NETO1: variants seen among roughly 807,000 people sequenced by gnomAD.
The protein encoded by NETO1 is neuropilin and tolloid like 1.
NETO1 carries 26 observed loss-of-function variants against 61.3 expected under a neutral mutation model. The ratio of observed to expected loss-of-function variants is 0.42; its 90% CI spans 0.31 to 0.59. NETO1 has a LOEUF of 0.59. NETO1 is among the 20% of genes least tolerant of loss of function. NETO1 has a pLI of 0.12. For synonymous variants in NETO1, 225 were observed against 225.8 expected (o/e 1.00, Z 0.03); for missense variants, 531 against 662.8 (o/e 0.80, Z 2.18).
intron 4 of NETO1, among the ~76,000 whole-genome samples, chr18:72,802,769 C>T (rs1381063856): frequency 6.6e-6 from 1 of 152,136 alleles, no homozygotes; most frequent in African/African-American, 2.4e-5. Context: ...GTGTTCACTG[C>T]ATAATTCACT....
intron 4 of NETO1, among the ~76,000 whole-genome samples, chr18:72,825,729 C>T (rs1299802156): frequency 6.6e-6 from 1 of 152,132 alleles, no homozygotes; most frequent in Non-Finnish European, 1.5e-5. Flanking sequence ...TTTGTTAATA[C>T]TTGAATTAGC....
chr18:72,835,324 A>C (rs752374827), intron 4 of NETO1: 1 of 1,595,974 alleles, frequency 6.3e-7, no homozygotes, highest in Non-Finnish European at 8.6e-7. Context: ...TTTATTCTGG[A>C]GGCAAAGAGG....
chr18:72,828,855 G>T (rs1467445671), intron 4 of NETO1, among the ~76,000 whole-genome samples: 1 of 152,154 alleles, frequency 6.6e-6, no homozygotes, highest in Non-Finnish European at 1.5e-5. Context: ...GAAAACACCT[G>T]TCAACCTAGA....
intron 1 of NETO1, chr18:72,865,656 A>T: frequency 1.9e-6 from 3 of 1,576,544 alleles, no homozygotes; most frequent in Non-Finnish European, 2.6e-6. Context: ...GCAAACAATG[A>T]GAACAGCTCC....
rs979809525 is a variant in NETO1 at position 72,829,031 on chromosome 18, CATTT to C, written c.469+29791_469+29794del. On this transcript the variant is annotated intron_variant, in intron 4 of 10. Coordinates refer to ENST00000327305, the MANE Select transcript of NETO1 (RefSeq NM_138966.5). ...AGTCTCAAATGCAAGAAAGACCATT[CATTT>C]GAGTGACCAAATGAAATGGGAAAAA... 2.2e-4 allele frequency among the ~76,000 whole-genome samples: 34 copies of C among 152,192 alleles called. 1 individual carries two copies. The South Asian group carries it at 3.7e-3, about 17-fold the overall frequency.
intron 4 of NETO1, among the ~76,000 whole-genome samples, chr18:72,799,285 T>C (rs1387816258): frequency 6.6e-6 from 1 of 152,224 alleles, no homozygotes; most frequent in African/African-American, 2.4e-5. Context: ...CACCATGGTA[T>C]GCAATCTGGG....
In NETO1 at chr18:72,763,399, C is replaced by T. The variant is rs574685501; in HGVS notation, c.869-7252G>A. On this transcript the variant is annotated intron_variant, in intron 7 of 10. Transcript: ENST00000327305. ...CATGTTCCCTGGACTTAGGGTCTGG[C>T]TCTCTTCACCTCCCCTCCCCAGTCC... 3.3e-5 allele frequency among the ~76,000 whole-genome samples: 5 copies of T among 152,214 alleles called. No individual in the cohort carries two copies. The South Asian group carries it at 1.0e-3, about 32-fold the overall frequency.
intron 4 of NETO1, among the ~76,000 whole-genome samples, chr18:72,799,450 A>G (rs2072429337): frequency 6.6e-6 from 1 of 152,202 alleles, no homozygotes; most frequent in Non-Finnish European, 1.5e-5. Flanking sequence ...ATGATTACAT[A>G]TCAGGAAAAC....
chr18:72,777,567 C>T (rs1045848535), intron 7 of NETO1, among the ~76,000 whole-genome samples: 2 of 139,960 alleles, frequency 1.4e-5, no homozygotes, highest in Non-Finnish European at 3.1e-5. Context: ...GTTGAAACCC[C>T]GTCTCCACTA....
rs536233113 is a variant in NETO1, at chr18:72,801,362, G to T, written c.470-6958C>A. 1.6e-3 allele frequency among the ~76,000 whole-genome samples: 250 copies of T among 152,084 alleles called. 1 individual carries two copies. Among genetic ancestry groups the T allele is most frequent in the African/African-American group, 4.9e-3 (202 of 41,500 alleles). On this transcript the variant is annotated intron_variant, in intron 4 of 10. Transcript: ENST00000327305. ...CCCAGGAGTGTTCCTTTATCCAAAG[G>T]TCACTATTTTCATAATAATACTAAA...
At chr18:72,842,358 G>A (rs1455285087) in intron 4 of NETO1, among the ~76,000 whole-genome samples, 1 of 152,056 alleles carries the variant, frequency 6.6e-6, no homozygotes, top group African/African-American at 2.4e-5. Flanking sequence ...AAACTCATGG[G>A]ATATAATTTA....
At chr18:72,837,619 A>C (rs766203574) in intron 4 of NETO1, among the ~76,000 whole-genome samples, 5 of 152,186 alleles carry the variant, frequency 3.3e-5, no homozygotes, top group African/African-American at 4.8e-5. Flanking sequence ...TCTTAATTAT[A>C]ATATAGGAAT....
chr18:72,820,951 G>T (rs2073172270), intron 4 of NETO1, among the ~76,000 whole-genome samples: 1 of 152,004 alleles, frequency 6.6e-6, no homozygotes, highest in Non-Finnish European at 1.5e-5. Flanking sequence ...TAAATCTCTA[G>T]GTAGATAGAT....
At chr18:72,844,594 A>G (rs1392327228) in intron 4 of NETO1, among the ~76,000 whole-genome samples, 2 of 152,184 alleles carry the variant, frequency 1.3e-5, no homozygotes, top group African/African-American at 4.8e-5. Context: ...ATACGCATGA[A>G]CAGATTTTTT....
intron 7 of NETO1, among the ~76,000 whole-genome samples, chr18:72,762,164 C>CTTTTTTTTTTTTTTTTTTTTTTTT (rs36062589): frequency 6.8e-6 from 1 of 147,568 alleles, no homozygotes; most frequent in Non-Finnish European, 1.5e-5. Context: ...TTAGAATACA[C>CTTTTTTTTTTTTTTTTTTTTTTTT]TTTTTTTTTT....
chr18:72,751,939 A>G (rs1568170057), intron 8 of NETO1: 1 of 152,224 alleles, frequency 6.6e-6, no homozygotes, highest in Non-Finnish European at 1.5e-5. Flanking sequence ...GCTTCTGGAC[A>G]TTCGAAAGTT....
intron 7 of NETO1, among the ~76,000 whole-genome samples, chr18:72,767,910 T>C (rs1178826421): frequency 6.6e-6 from 1 of 152,152 alleles, no homozygotes; most frequent in African/African-American, 2.4e-5. Context: ...ACGGATACAA[T>C]ACTAGCCACC....
chr18:72,833,837 C>T (rs1476053160), intron 4 of NETO1, among the ~76,000 whole-genome samples: 2 of 152,138 alleles, frequency 1.3e-5, no homozygotes, highest in African/African-American at 2.4e-5. Flanking sequence ...AGACTCTAAA[C>T]GTCCCTGCAC....
rs752685119 is a variant in NETO1 at position 72,783,820 on chromosome 18, G to A, written c.726C>T (p.Ser242=). 5 of 1,614,076 alleles carry A rather than the reference G, an allele frequency of 3.1e-6. No homozygotes were observed. The highest frequency in any genetic ancestry group is 1.1e-5 in the South Asian group (1 of 91,076). ...NFVAVYDGSS[S]VEDLKAKFCS... ...AGAACTTAGCTTTCAAATCCTCCACGGAACTGCTTCCATCATACACAGCCA... is the reference window on the plus strand; with the variant it reads ...AGAACTTAGCTTTCAAATCCTCCACAGAACTGCTTCCATCATACACAGCCA... Residue 242 remains serine (S), a synonymous_variant, in exon 7 of 11, where the codon TCC becomes TCT. Transcript: ENST00000327305.
Sources: allele counts gnomAD v4.1 joint callset (sites outside exome capture counted in the v4.1 genomes callset), GRCh38; gene constraint gnomAD v4.1.1; transcripts MANE v1.5; gene names NCBI Gene and HGNC (gene_info 2026-07-23, HGNC 2026-07-21).